Variants in MED12L observed in about 807,000 individuals in gnomAD.
MED12L encodes the protein mediator complex subunit 12L.
MED12L carries 60 observed loss-of-function variants against 281.3 expected under a neutral mutation model. That is an observed-to-expected ratio of 0.21 (90% CI 0.17 to 0.26). MED12L has a LOEUF of 0.26. MED12L is among the 10% of genes least tolerant of loss of function. The pLI is 1.00. For missense variants in MED12L, 2,146 were observed against 2,680.9 expected, an observed-to-expected ratio of 0.80 and a Z score of 4.41; for synonymous variants, 974 against 987.2, an observed-to-expected ratio of 0.99 and a Z score of 0.25.
At chr3:151,311,126 A>G (rs529419390) in intron 16 of MED12L, among the ~76,000 whole-genome samples, 34 of 152,242 alleles carry the variant, frequency 2.2e-4, no homozygotes, top group African/African-American at 7.9e-4. Flanking sequence ...TGCCTGTCTT[A>G]TTTGCAATTT....
intron 16 of MED12L, among the ~76,000 whole-genome samples, chr3:151,317,490 G>T (rs1338170335): frequency 4.9e-5 from 5 of 101,260 alleles, no homozygotes; most frequent in Non-Finnish European, 8.8e-5. Context: ...TCACACTGTT[G>T]CCCGGGCTGG....
chr3:151,172,787 T>A (rs1255877688), intron 11 of MED12L, among the ~76,000 whole-genome samples: 1 of 152,266 alleles, frequency 6.6e-6, no homozygotes, highest in Non-Finnish European at 1.5e-5. Flanking sequence ...CCAGGTGTGC[T>A]GAATTTATGT....
rs141394109 is a variant in MED12L at position 151,395,009 on chromosome 3, G to T, written c.5820+142G>T. On this transcript the variant is annotated intron_variant, in intron 39 of 44. Coordinates refer to ENST00000687756, the MANE Select transcript of MED12L (RefSeq NM_001393769.1). ...AGTGCAGGTCTATCTCTCTGTTACA[G>T]GCTTGTAAATAGTTTTCCTCCATTG... The T allele has an allele frequency of 2.7e-4, 289 of 1,089,692 alleles. 3 individuals carry two copies. In the African/African-American group the frequency reaches 3.5e-3, roughly 13 times the overall value. The allele number at this position is 1,089,692 out of a possible 1,614,324, so 67.5% of individuals were successfully genotyped here. A position where few individuals can be genotyped will look rare whatever the true frequency, so the allele number is the denominator to read the frequency against.
intron 16 of MED12L, among the ~76,000 whole-genome samples, chr3:151,334,277 T>A (rs1750714335): frequency 7.0e-6 from 1 of 142,186 alleles, no homozygotes; most frequent in South Asian, 2.4e-4. Context: ...AGGCGATTTC[T>A]CACTACCTAT....
chr3:151,294,326 A>T (rs1201497555), intron 16 of MED12L: 1 of 1,614,072 alleles, frequency 6.2e-7, no homozygotes, highest in Non-Finnish European at 8.5e-7. Context: ...ATCCAGGCAA[A>T]CATTACACGC....
At chr3:151,115,869 C>G (rs1712690791) in intron 2 of MED12L, among the ~76,000 whole-genome samples, 1 of 151,238 alleles carries the variant, frequency 6.6e-6, no homozygotes, top group South Asian at 2.1e-4. Context: ...ATCAGCCTGG[C>G]CAAAATGGTG....
chr3:151,149,361 C>T (rs565864775), intron 5 of MED12L, among the ~76,000 whole-genome samples: 69 of 152,224 alleles, frequency 4.5e-4, no homozygotes, highest in Admixed American at 5.2e-4. Flanking sequence ...ATTTTGGTTT[C>T]GTAGTGCATA....
At chr3:151,112,126 T>C (rs981906939) in intron 2 of MED12L, among the ~76,000 whole-genome samples, 1 of 152,206 alleles carries the variant, frequency 6.6e-6, no homozygotes, top group Non-Finnish European at 1.5e-5. Context: ...AGTTTGAAAC[T>C]GTAGCAAGAG....
chr3:151,278,969 A>G (rs1238207070), intron 16 of MED12L, among the ~76,000 whole-genome samples: 10 of 152,234 alleles, frequency 6.6e-5, no homozygotes, highest in Non-Finnish European at 1.5e-5. Flanking sequence ...TCGTGTGTTA[A>G]CATTTTGGTG....
Position 151,368,649 on chromosome 3 carries a change from C to T in MED12L, c.3550+398C>T, listed in dbSNP as rs997658828. ...TATTTTATTTCATTTCATTTCATTT[C>T]ATTTCATTTCATTTCATTTCATTTC... On this transcript the variant is annotated intron_variant, in intron 25 of 44. Transcript: ENST00000687756. Among the ~76,000 whole-genome samples the T allele has an allele frequency of 3.8e-3, 246 of 64,708 alleles. 3 individuals carry two copies. The highest frequency in any genetic ancestry group is 0.017 in the African/African-American group (230 of 13,164). 42.5% of individuals were successfully genotyped at this position (64,708 alleles called of 152,430 possible).
At chr3:151,430,186 T>C (rs1410941416) in intron 43 of MED12L, 113 bp from the exon 44 acceptor site, 2 of 1,468,886 alleles carry the variant, frequency 1.4e-6, no homozygotes, top group Non-Finnish European at 1.8e-6. Flanking sequence ...TAGCCCTTTT[T>C]TCGTGAAGTG....
chr3:151,335,713 A>T (rs1225624997), intron 16 of MED12L, among the ~76,000 whole-genome samples: 4 of 152,334 alleles, frequency 2.6e-5, no homozygotes, highest in African/African-American at 9.6e-5. Flanking sequence ...CTCCATAAAT[A>T]CTAACTCTCA....
chr3:151,377,948 G>T (rs1025205102), intron 30 of MED12L, 64 bp from the exon 31 acceptor site: 1 of 1,458,136 alleles, frequency 6.9e-7, no homozygotes, highest in Non-Finnish European at 9.2e-7. Flanking sequence ...TGGAGTTTCT[G>T]TTATAACTGT....
At chr3:151,247,811 T>G (rs1735963785) in intron 16 of MED12L, among the ~76,000 whole-genome samples, 1 of 152,050 alleles carries the variant, frequency 6.6e-6, no homozygotes, top group African/African-American at 2.4e-5. Context: ...AAGTTGCATT[T>G]TCTCCATTTA....
intron 12 of MED12L, chr3:151,188,016 T>A (rs1461969226): frequency 6.1e-6 from 1 of 163,436 alleles, no homozygotes; most frequent in African/African-American, 2.4e-5. Context: ...TTCACATGAA[T>A]AAATGTTTTT....
At chr3:151,342,072 T>C (rs986746871) in intron 16 of MED12L, among the ~76,000 whole-genome samples, 14 of 152,220 alleles carry the variant, frequency 9.2e-5, no homozygotes, top group Non-Finnish European at 2.1e-4. Flanking sequence ...GCATGACTTA[T>C]AATCCTTTGG....
chr3:151,387,878 T>G lies in MED12L; in HGVS notation c.5157T>G (p.Ala1719=). The G allele has an allele frequency of 6.2e-7, 1 of 1,614,096 alleles. No homozygotes were observed. The highest frequency in any genetic ancestry group is 8.5e-7 in the Non-Finnish European group (1 of 1,179,996). ...WDLFEGQKNP[A]PLSWAWFGTV... is the part of the protein sequence containing the mutation. ...TGTTTGAGGGTCAGAAGAACCCAGCTCCTTTGTCCTGGGCCTGGTTTGGGA... is the reference window on the plus strand; with the variant it reads ...TGTTTGAGGGTCAGAAGAACCCAGCGCCTTTGTCCTGGGCCTGGTTTGGGA... The change falls in exon 37 of 45, where the codon GCT becomes GCG. Residue 1719 remains alanine (A), a synonymous_variant. Transcript: ENST00000687756.
At chr3:151,416,684 A>G (rs1717595582) in intron 43 of MED12L, among the ~76,000 whole-genome samples, 1 of 152,220 alleles carries the variant, frequency 6.6e-6, no homozygotes, top group South Asian at 2.1e-4. Context: ...AAAATTTTTT[A>G]CATTGAGACG....
At chr3:151,089,542 C>T (rs1719744617) in intron 2 of MED12L, among the ~76,000 whole-genome samples, 1 of 152,096 alleles carries the variant, frequency 6.6e-6, no homozygotes, top group Admixed American at 6.5e-5. Flanking sequence ...AGCCCTCCTC[C>T]TGGTAGAAGT....
Sources: gnomAD v4.1 joint callset for allele counts (sites outside exome capture counted in the v4.1 genomes callset) on GRCh38, gnomAD v4.1.1 for gene constraint, MANE v1.5 for transcripts, NCBI Gene and HGNC (gene_info 2026-07-23, HGNC 2026-07-21) for gene names.